EDNRA: variants seen among roughly 807,000 people sequenced by gnomAD.
EDNRA encodes the protein endothelin receptor type A, also known as endothelin-1 receptor.
In EDNRA, 11 loss-of-function variants were observed where a neutral mutation model predicts 41.4. The ratio of observed to expected loss-of-function variants is 0.27; its 90% CI spans 0.17 to 0.44. The LOEUF (loss-of-function observed/expected upper bound fraction) is 0.44, where lower values mean the gene tolerates loss of function less well. Among genes scored for constraint, EDNRA ranks in the 20% least tolerant of loss-of-function variants. EDNRA has a pLI of 1.00. For missense variants in EDNRA, 294 were observed against 531.0 expected (o/e 0.55, Z 4.39); for synonymous variants, 172 against 183.0 (o/e 0.94, Z 0.49).
intron 3 of EDNRA, among the ~76,000 whole-genome samples, chr4:147,532,160 A>G (rs1730767515): frequency 1.3e-5 from 2 of 148,592 alleles, no homozygotes; most frequent in African/African-American, 2.5e-5. Context: ...AAAAAAAAAA[A>G]AAAAAAATAC....
Position 147,539,876 on chromosome 4 carries a change from C to G in EDNRA, c.960C>G (p.Phe320Leu). 6.2e-7 allele frequency: 1 copy of G among 1,613,222 alleles called. No individual in the cohort carries two copies. Among genetic ancestry groups the G allele is most frequent in the Non-Finnish European group, 8.5e-7 (1 of 1,179,876 alleles). Residue 320 changes from phenylalanine to leucine, a missense_variant, in exon 6 of 8, where the codon TTC becomes TTG. Physicochemically the swap from Phe to Leu is conservative, Grantham distance 22. Transcript: ENST00000651419. The part of the protein sequence containing the change: ...CLVVIFALCW[F>L]PLHLSRILKK... ...TTGTAATTTTTGCTCTTTGCTGGTT[C>G]CCTCTTCATTTAAGCCGTATATTGA... is the stretch of plus-strand genomic sequence containing the variant.
At chr4:147,484,322 C>T (rs1728872784) in intron 1 of EDNRA, among the ~76,000 whole-genome samples, 1 of 152,172 alleles carries the variant, frequency 6.6e-6, no homozygotes, top group Non-Finnish European at 1.5e-5. Context: ...TAACCACCCT[C>T]CTGAGTCTAT....
intron 5 of EDNRA, 50 bp downstream of exon 5, chr4:147,536,079 ACAG>A: frequency 6.3e-7 from 1 of 1,599,548 alleles, no homozygotes; most frequent in South Asian, 1.1e-5. Context: ...TTAGTCCTTG[ACAG>A]CAGCAGGCCT....
intron 2 of EDNRA, chr4:147,489,280 C>T (rs2126379117): frequency 6.6e-6 from 1 of 151,944 alleles, no homozygotes; most frequent in East Asian, 1.9e-4. Flanking sequence ...TACATTGTAC[C>T]CACTATGAAA....
chr4:147,527,101 A>G (rs1730582047), intron 3 of EDNRA, among the ~76,000 whole-genome samples: 1 of 152,258 alleles, frequency 6.6e-6, no homozygotes, highest in Non-Finnish European at 1.5e-5. Flanking sequence ...ACCTTATGGA[A>G]GTGGTAAATA....
chr4:147,506,091 G>A (rs1419167996), intron 2 of EDNRA: 3 of 518,548 alleles, frequency 5.8e-6, no homozygotes, highest in South Asian at 1.4e-5. Context: ...ATCCTGGCAG[G>A]TTCCTGAATA....
At chr4:147,488,101 T>C (rs1578773016) in intron 2 of EDNRA, 1 of 152,234 alleles carries the variant, frequency 6.6e-6, no homozygotes, top group African/African-American at 2.4e-5. Flanking sequence ...CAACCCATCA[T>C]GGCTCAAGAA....
At chr4:147,505,758 C>T (rs1729689348) in intron 2 of EDNRA, among the ~76,000 whole-genome samples, 1 of 149,406 alleles carries the variant, frequency 6.7e-6, no homozygotes, top group African/African-American at 2.5e-5. Flanking sequence ...ACGTCATTCT[C>T]CTGCCTCAGC....
chr4:147,486,195 T>C lies in EDNRA; in HGVS notation c.420+94T>C. The C allele has an allele frequency of 7.2e-7, 1 of 1,392,082 alleles. No individual in the cohort carries two copies. The highest frequency in any genetic ancestry group is 9.6e-7 in the Non-Finnish European group (1 of 1,037,348). 86.2% of individuals were successfully genotyped at this position (1,392,082 alleles called of 1,614,324 possible). ...CAGACTTTTCTGACCTTTGGAATTTTATCTGTGTTTTTACTGAGAGCTATT... is the reference window on the plus strand; with the variant it reads ...CAGACTTTTCTGACCTTTGGAATTTCATCTGTGTTTTTACTGAGAGCTATT... On this transcript the variant is annotated intron_variant, in intron 2 of 7. Coordinates refer to ENST00000651419, the MANE Select transcript of EDNRA (RefSeq NM_001957.4). The surrounding 1 kb of genome is among the most constrained non-coding windows in gnomAD (Gnocchi z 4.3).
At chr4:147,484,622 A>T (rs1728881476) in intron 1 of EDNRA, among the ~76,000 whole-genome samples, 1 of 152,210 alleles carries the variant, frequency 6.6e-6, no homozygotes, top group South Asian at 2.1e-4. Context: ...GACTGGCATA[A>T]AATAAATGTA....
At chr4:147,509,088 C>T (rs1729831675) in intron 2 of EDNRA, among the ~76,000 whole-genome samples, 1 of 152,006 alleles carries the variant, frequency 6.6e-6, no homozygotes, top group Admixed American at 6.6e-5. Flanking sequence ...CTATTTTATT[C>T]TTTTTTGGTA....
In EDNRA at chr4:147,486,514, C is replaced by T. The variant is rs1474800612; in HGVS notation, c.420+413C>T. On this transcript the variant is annotated intron_variant, in intron 2 of 7. Transcript: ENST00000651419. This position sits in a 1 kb window ranked among gnomAD's most constrained non-coding sequence, Gnocchi z 4.3. Reference sequence around the variant, plus strand: ...AGTTTAGTTACCGTTGAATATGATGCTGTTCAGAAGCCAGATATCTACAGT... The same window carrying T: ...AGTTTAGTTACCGTTGAATATGATGTTGTTCAGAAGCCAGATATCTACAGT... 1.3e-5 allele frequency among the ~76,000 whole-genome samples: 2 copies of T among 152,182 alleles called. No homozygotes were observed. Among genetic ancestry groups the T allele is most frequent in the African/African-American group, 4.8e-5 (2 of 41,450 alleles).
chr4:147,506,318 G>T, intron 2 of EDNRA: 1 of 440,374 alleles, frequency 2.3e-6, no homozygotes, highest in South Asian at 1.8e-5. Context: ...TATTTACTGA[G>T]AGCTCATCAG....
intron 3 of EDNRA, among the ~76,000 whole-genome samples, chr4:147,527,696 A>C (rs958609374): frequency 4.6e-5 from 7 of 152,228 alleles, no homozygotes; most frequent in Non-Finnish European, 8.8e-5. Flanking sequence ...TAACATGTAA[A>C]AATCTATTTA....
chr4:147,493,620 A>G (rs1729212650), intron 2 of EDNRA: 1 of 152,192 alleles, frequency 6.6e-6, no homozygotes, highest in Non-Finnish European at 1.5e-5. Flanking sequence ...TATAGCTACA[A>G]TTTTATTCTT....
Position 147,535,060 on chromosome 4 carries a change from A to T in EDNRA, c.748-817A>T, listed in dbSNP as rs758902723. Reference sequence around the variant, plus strand: ...TCCTTAGTAAATTAACAATCTGAAGAAGCACTATAAGGAAAGAAAAAGCAT... The same window carrying T: ...TCCTTAGTAAATTAACAATCTGAAGTAGCACTATAAGGAAAGAAAAAGCAT... On this transcript the variant is annotated intron_variant, in intron 4 of 7. Transcript: ENST00000651419. Among the ~76,000 whole-genome samples the T allele has an allele frequency of 2.6e-5, 4 of 152,242 alleles. No individual in the cohort carries two copies. The South Asian group carries it at 6.2e-4, about 24-fold the overall frequency.
intron 2 of EDNRA, chr4:147,491,383 T>C (rs1396277589): frequency 6.6e-6 from 1 of 152,220 alleles, no homozygotes; most frequent in Non-Finnish European, 1.5e-5. Flanking sequence ...CTTCTTGACA[T>C]ATCAAATCAC....
chr4:147,508,012 G>A (rs1729782383), intron 2 of EDNRA, among the ~76,000 whole-genome samples: 1 of 152,092 alleles, frequency 6.6e-6, no homozygotes, highest in Non-Finnish European at 1.5e-5. Context: ...TTTAGTTATA[G>A]GAGTTCTTTA....
Position 147,504,957 on chromosome 4 carries a change from C to CAAAAAAAAAAAAAA in EDNRA, c.421-14887_421-14874dup, listed in dbSNP as rs57911108. 3.1e-3 allele frequency among the ~76,000 whole-genome samples: 121 copies of CAAAAAAAAAAAAAA among 39,016 alleles called. 6 individuals carry two copies. The highest frequency in any genetic ancestry group is 0.021 in the Middle Eastern group (1 of 48). 25.6% of individuals were successfully genotyped at this position (39,016 alleles called of 152,430 possible). A position where few individuals can be genotyped will look rare whatever the true frequency, so the allele number is the denominator to read the frequency against. On this transcript the variant is annotated intron_variant, in intron 2 of 7. Transcript: ENST00000651419. ...TGGGCAACAAAGTGGGACCCTGTCT[C>CAAAAAAAAAAAAAA]AAAAAAAAAAAAAAAAAAAAGGATT...
Sources: allele counts gnomAD v4.1 joint callset (sites outside exome capture counted in the v4.1 genomes callset), GRCh38; gene constraint gnomAD v4.1.1; non-coding constraint Gnocchi (gnomAD v3.1); transcripts MANE v1.5; gene names NCBI Gene and HGNC (gene_info 2026-07-23, HGNC 2026-07-21).